The following UTRN variants were observed in gnomAD, a reference collection of about 807,000 sequenced individuals.
UTRN encodes the protein utrophin.
UTRN carries 283 observed loss-of-function variants against 463.9 expected under a neutral mutation model. The observed-to-expected ratio is 0.61, with a 90% CI of 0.55 to 0.67. The LOEUF is 0.67. UTRN is among the 30% of genes least tolerant of loss of function. The probability of loss-of-function intolerance (pLI) is 0.00; values close to 1 mark genes in which losing one functional copy is unlikely to be tolerated. For synonymous variants in UTRN, 1,442 were observed against 1,431.5 expected, an observed-to-expected ratio of 1.01 and a Z score of -0.17; for missense variants, 3,922 against 4,084.3, an observed-to-expected ratio of 0.96 and a Z score of 1.08.
chr6:144,390,815 A>G (rs1376283023), intron 2 of UTRN, among the ~76,000 whole-genome samples: 4 of 152,202 alleles, frequency 2.6e-5, no homozygotes, highest in Admixed American at 6.5e-5. Context: ...CTGATATATT[A>G]GTTATAATTT....
intron 19 of UTRN, among the ~76,000 whole-genome samples, chr6:144,456,172 C>T (rs1275326238): frequency 2.0e-5 from 3 of 152,004 alleles, no homozygotes; most frequent in Non-Finnish European, 4.4e-5. Context: ...TCTGTGTGTT[C>T]CAGTTCAGTT....
intron 54 of UTRN, among the ~76,000 whole-genome samples, chr6:144,746,715 G>C (rs1457482925): frequency 6.6e-6 from 1 of 151,878 alleles, no homozygotes; most frequent in Non-Finnish European, 1.5e-5. Context: ...GACCTCAGGT[G>C]ATCCACCCAC....
intron 66 of UTRN, 87 bp downstream of exon 66, chr6:144,821,105 T>G: frequency 1.4e-6 from 2 of 1,444,486 alleles, no homozygotes; most frequent in Non-Finnish European, 1.9e-6. Context: ...AGAAATTGTT[T>G]AATACCAACT....
intron 51 of UTRN, among the ~76,000 whole-genome samples, chr6:144,663,888 A>G (rs1780128080): frequency 2.0e-5 from 3 of 152,182 alleles, no homozygotes. Flanking sequence ...GTCCTCAATA[A>G]GATATAGTAA....
chr6:144,373,878 C>A (rs1780220175), intron 2 of UTRN, among the ~76,000 whole-genome samples: 1 of 152,146 alleles, frequency 6.6e-6, no homozygotes, highest in South Asian at 2.1e-4. Flanking sequence ...TCAAATTACA[C>A]AAATATTAGC....
intron 60 of UTRN, among the ~76,000 whole-genome samples, chr6:144,775,557 G>A (rs909108347): frequency 6.6e-6 from 1 of 152,192 alleles, no homozygotes; most frequent in African/African-American, 2.4e-5. Flanking sequence ...TGAGCGAAAA[G>A]AGAATAGGAA....
chr6:144,830,175 A>G (rs77176188), intron 69 of UTRN, among the ~76,000 whole-genome samples: 7,705 of 152,280 alleles, frequency 0.051, 232 homozygotes, highest in South Asian at 0.097. Context: ...GCTCAAATTT[A>G]GTATATTGTA....
chr6:144,516,564 A>G (rs962552980), intron 38 of UTRN, among the ~76,000 whole-genome samples, 177 bp downstream of exon 38: 3 of 152,120 alleles, frequency 2.0e-5, no homozygotes, highest in Non-Finnish European at 2.9e-5. Flanking sequence ...TAAAAAGAAA[A>G]TAGACTCAGT....
chr6:144,797,676 C>A, intron 63 of UTRN, 148 bp from the exon 64 acceptor site: 1 of 789,500 alleles, frequency 1.3e-6, no homozygotes, highest in South Asian at 2.3e-5. Flanking sequence ...ACTTGAAGAA[C>A]CTTAAAGCAT....
At chr6:144,628,108 C>A (rs1384651805) in intron 51 of UTRN, among the ~76,000 whole-genome samples, 2 of 152,138 alleles carry the variant, frequency 1.3e-5, no homozygotes, top group South Asian at 2.1e-4. Flanking sequence ...CAATTTTCTT[C>A]TTTTTTAAGG....
intron 2 of UTRN, among the ~76,000 whole-genome samples, chr6:144,316,345 A>G (rs1775287283): frequency 6.6e-6 from 1 of 152,236 alleles, no homozygotes; most frequent in African/African-American, 2.4e-5. Flanking sequence ...AATTGAGTTG[A>G]AAATGCTGTC....
intron 53 of UTRN, among the ~76,000 whole-genome samples, chr6:144,708,858 A>C (rs1785361986): frequency 1.3e-5 from 2 of 152,150 alleles, no homozygotes; most frequent in Non-Finnish European, 2.9e-5. Flanking sequence ...GGGAAGTTCA[A>C]ATCAAGGGCC....
chr6:144,516,834 T>G lies in UTRN; in HGVS notation c.5427T>G (p.Ile1809Met). The G allele has an allele frequency of 2.0e-6, 3 of 1,503,020 alleles. No individual in the cohort carries two copies. Among genetic ancestry groups the G allele is most frequent in the Non-Finnish European group, 2.7e-6 (3 of 1,131,412 alleles). 93.1% of individuals were successfully genotyped at this position (1,503,020 alleles called of 1,614,324 possible). The change falls in exon 39 of 75, where the codon ATT (isoleucine) becomes ATG (methionine). Residue 1809 changes from isoleucine to methionine, a missense_variant. Ile to Met is a conservative substitution (Grantham distance 10, BLOSUM62 1). Coordinates refer to ENST00000367545, the MANE Select transcript of UTRN (RefSeq NM_007124.3). ...AGATGGATGAGGAGAGTGCCCAGAT[T>G]GAGGAAGTTCTACAAAGAGGAGAAG... ...DEKMDEESAQIEEVLQRGEEM... is the reference protein window; with the variant it reads ...DEKMDEESAQMEEVLQRGEEM...
intron 26 of UTRN, 53 bp from the exon 27 acceptor site, chr6:144,482,156 G>T: frequency 7.4e-7 from 1 of 1,347,968 alleles, no homozygotes; most frequent in African/African-American, 1.5e-5. Flanking sequence ...AAAGAAATTG[G>T]TTACTGAGAA....
Position 144,473,789 on chromosome 6 carries a change from C to G in UTRN, c.3136C>G (p.Gln1046Glu), listed in dbSNP as rs1790909934. 5 of 1,614,088 alleles carry G rather than the reference C, an allele frequency of 3.1e-6. No individual in the cohort carries two copies. Among genetic ancestry groups the G allele is most frequent in the Non-Finnish European group, 4.2e-6 (5 of 1,180,012 alleles). Residue 1046 changes from glutamine (Q) to glutamate (E), a missense_variant, in exon 24 of 75, where the codon CAA becomes GAA. Coordinates refer to ENST00000367545, the MANE Select transcript of UTRN (RefSeq NM_007124.3). ...KDFLMKQQAA[Q>E]GDDAGLQRQL... is the part of the protein sequence containing the mutation. ...CTTCTTAATGAAACAGCAGGCTGCC[C>G]AAGGAGACGACGCAGGTCTACAGAG...
At chr6:144,841,986 T>A (rs956418771) in intron 73 of UTRN, among the ~76,000 whole-genome samples, 19 of 151,838 alleles carry the variant, frequency 1.3e-4, no homozygotes, top group Non-Finnish European at 2.1e-4. Flanking sequence ...GGCATGCACT[T>A]GTAATCCCAG....
chr6:144,790,918 G>A (rs1036543043), intron 62 of UTRN, among the ~76,000 whole-genome samples: 2 of 152,190 alleles, frequency 1.3e-5, no homozygotes, highest in African/African-American at 4.8e-5. Flanking sequence ...AGCTTACATT[G>A]TGGATAATTC....
intron 51 of UTRN, among the ~76,000 whole-genome samples, chr6:144,580,064 T>G (rs1460419703): frequency 1.3e-5 from 2 of 152,202 alleles, no homozygotes; most frequent in Non-Finnish European, 2.9e-5. Context: ...ATTTTAATTT[T>G]TTTATGGTGT....
At chr6:144,391,457 CT>C (rs1198161818) in intron 2 of UTRN, among the ~76,000 whole-genome samples, 1 of 151,880 alleles carries the variant, frequency 6.6e-6, no homozygotes, top group Non-Finnish European at 1.5e-5. Flanking sequence ...TAAATTATGG[CT>C]TTTTTTTGAT....
Sources: allele counts gnomAD v4.1 joint callset (sites outside exome capture counted in the v4.1 genomes callset), GRCh38; gene constraint gnomAD v4.1.1; transcripts MANE v1.5; gene names NCBI Gene and HGNC (gene_info 2026-07-23, HGNC 2026-07-21).